COL5A2: variants seen among roughly 807,000 people sequenced by gnomAD.
COL5A2 encodes collagen alpha-2(V) chain.
A neutral mutation model predicts 208.2 loss-of-function variants in COL5A2; 23 were observed. The observed-to-expected ratio is 0.11, with a 90% CI of 0.08 to 0.16. The LOEUF is 0.16. Ranked by LOEUF, COL5A2 falls within the 10% of genes least tolerant of loss-of-function variation. The pLI is 1.00. For missense variants in COL5A2, 1,590 were observed against 1,956.4 expected (o/e 0.81, Z 3.53); for synonymous variants, 625 against 628.5 (o/e 0.99, Z 0.08).
At chr2:189,383,905 C>T in the COL5A2 span, among the ~76,000 whole-genome samples, 1 of 151,982 alleles carries the variant, frequency 6.6e-6, no homozygotes, top group Non-Finnish European at 1.5e-5. Context: ...TTTATCCAAC[C>T]CTCCCCCCAT....
chr2:189,319,371 G>A, the COL5A2 span, among the ~76,000 whole-genome samples: 8 of 152,242 alleles, frequency 5.3e-5, no homozygotes, highest in East Asian at 1.9e-4. Context: ...GCGAGGCATC[G>A]CCTAATCCGG....
chr2:189,203,494 G>A (rs1031078041), intron 1 of COL5A2, among the ~76,000 whole-genome samples: 8 of 152,070 alleles, frequency 5.3e-5, no homozygotes, highest in Admixed American at 2.6e-4. Context: ...GCAATGTATC[G>A]GCAAGTTTAC....
chr2:189,174,631 C>T (rs1272513217), intron 1 of COL5A2, among the ~76,000 whole-genome samples: 1 of 152,046 alleles, frequency 6.6e-6, no homozygotes, highest in African/African-American at 2.4e-5. Context: ...ATGCCCAGAC[C>T]CCATCCAAAC....
chr2:189,297,845 A>G, the COL5A2 span, among the ~76,000 whole-genome samples: 1 of 152,368 alleles, frequency 6.6e-6, no homozygotes, highest in African/African-American at 2.4e-5. Flanking sequence ...CTGTGAATTC[A>G]AAGAGTTGGA....
At chr2:189,108,561 C>G (rs1687196516) in intron 2 of COL5A2, among the ~76,000 whole-genome samples, 1 of 151,798 alleles carries the variant, frequency 6.6e-6, no homozygotes, top group Non-Finnish European at 1.5e-5. Context: ...AGTTTAATGA[C>G]TTCATTAAGT....
intron 1 of COL5A2, among the ~76,000 whole-genome samples, chr2:189,197,915 TC>T (rs1689026659): frequency 6.6e-6 from 1 of 151,478 alleles, no homozygotes; most frequent in Non-Finnish European, 1.5e-5. Context: ...AGCGGCACGA[TC>T]TAGGCTCACT....
the COL5A2 span, among the ~76,000 whole-genome samples, chr2:189,386,121 A>G: frequency 6.6e-6 from 1 of 152,154 alleles, no homozygotes; most frequent in Non-Finnish European, 1.5e-5. Context: ...TGTTTCAATT[A>G]TCTCCACCTG....
the COL5A2 span, among the ~76,000 whole-genome samples, chr2:189,284,111 T>C: frequency 6.6e-6 from 1 of 152,296 alleles, no homozygotes; most frequent in African/African-American, 2.4e-5. Context: ...ATCATATATA[T>C]GATATGCTTA....
intron 1 of COL5A2, among the ~76,000 whole-genome samples, chr2:189,211,600 T>C (rs1689214177): frequency 6.6e-6 from 1 of 151,984 alleles, no homozygotes; most frequent in African/African-American, 2.4e-5. Context: ...TTAAAAAATA[T>C]AAATGGCCAC....
At chr2:189,075,472 AT>A in intron 16 of COL5A2, 35 bp from the exon 17 acceptor site, 1 of 1,545,640 alleles carries the variant, frequency 6.5e-7, no homozygotes, top group Non-Finnish European at 8.9e-7. Context: ...ACAGGATAAG[AT>A]TACATTTTAG....
the COL5A2 span, among the ~76,000 whole-genome samples, chr2:189,404,458 T>C: frequency 6.6e-6 from 1 of 152,120 alleles, no homozygotes; most frequent in Middle Eastern, 3.2e-3. Flanking sequence ...TCTACTCCAC[T>C]CCCAACTTCC....
At chr2:189,060,869 T>C (rs1369512191) in intron 30 of COL5A2, 86 bp from the exon 31 acceptor site, 31 of 910,478 alleles carry the variant, frequency 3.4e-5, no homozygotes, top group African/African-American at 1.6e-5. Context: ...TTACAATTCA[T>C]GGGGTCTCCA....
At chr2:189,431,847 C>T in the COL5A2 span, among the ~76,000 whole-genome samples, 1 of 152,076 alleles carries the variant, frequency 6.6e-6, no homozygotes, top group African/African-American at 2.4e-5. Flanking sequence ...ATATAGAGAA[C>T]ACCACAAAGA....
At chr2:189,057,193 G>T in intron 34 of COL5A2, 127 bp downstream of exon 34, 1 of 991,018 alleles carries the variant, frequency 1.0e-6, no homozygotes, top group Non-Finnish European at 1.5e-6. Context: ...TTTATTAGAA[G>T]AATGAAAAAT....
At chr2:189,326,764 A>G in the COL5A2 span, among the ~76,000 whole-genome samples, 2,573 of 151,822 alleles carry the variant, frequency 0.017, 75 homozygotes, top group African/African-American at 0.059. Context: ...AAGTATAATA[A>G]TAACATCTAT....
intron 1 of COL5A2, among the ~76,000 whole-genome samples, chr2:189,163,953 A>C (rs1310230902): frequency 6.6e-6 from 1 of 152,196 alleles, no homozygotes; most frequent in Non-Finnish European, 1.5e-5. Context: ...TTTTCTTTCA[A>C]ATTATTTCAA....
At position 189,068,107 on chromosome 2, in the gene COL5A2, G is replaced by A. The variant is rs747140485; in HGVS notation, c.1309C>T (p.Pro437Ser). The A allele has an allele frequency of 1.9e-6, 3 of 1,613,434 alleles. No homozygotes were observed. The highest frequency in any genetic ancestry group is 1.1e-5 in the South Asian group (1 of 91,078). Residue 437 changes from proline to serine, a missense_variant, in exon 21 of 54, where the codon CCA (proline) becomes TCA (serine). Coordinates refer to ENST00000374866, the MANE Select transcript of COL5A2 (RefSeq NM_000393.5). ...GAGCCAGGAGGACCAGAGGTACCTG[G>A]AGAGCCCTATTAAACAGCAAGAGTG... The part of the protein sequence containing the change: ...TPGAKGPTGS[P>S]GTSGPPGSAG...
At chr2:189,196,569 C>T (rs1689003965) in intron 1 of COL5A2, among the ~76,000 whole-genome samples, 2 of 149,204 alleles carry the variant, frequency 1.3e-5, no homozygotes, top group South Asian at 4.4e-4. Flanking sequence ...TACCCTATAA[C>T]CTAAACTTTC....
At chr2:189,132,047 T>A (rs929660768) in intron 1 of COL5A2, among the ~76,000 whole-genome samples, 1 of 152,238 alleles carries the variant, frequency 6.6e-6, no homozygotes, top group Admixed American at 6.5e-5. Flanking sequence ...GAGGTTCATA[T>A]TTTGATTGTC....
Sources: gnomAD v4.1 joint callset for allele counts (sites outside exome capture counted in the v4.1 genomes callset) on GRCh38, gnomAD v4.1.1 for gene constraint, MANE v1.5 for transcripts, NCBI Gene and HGNC (gene_info 2026-07-23, HGNC 2026-07-21) for gene names.